Variants in SLC36A1 observed in about 807,000 individuals in gnomAD.
The protein encoded by SLC36A1 is proton-coupled amino acid transporter 1.
A neutral mutation model predicts 47.5 loss-of-function variants in SLC36A1; 30 were observed. That is an observed-to-expected ratio of 0.63 (90% CI 0.47 to 0.86). The LOEUF (loss-of-function observed/expected upper bound fraction) is 0.86. Ranked by LOEUF, SLC36A1 falls within the 40% of genes least tolerant of loss-of-function variation. SLC36A1 has a pLI of 0.00. For synonymous variants in SLC36A1, 255 were observed against 249.7 expected (o/e 1.02, Z -0.20); for missense variants, 517 against 606.0 (o/e 0.85, Z 1.54).
chr5:151,555,602 C>T, the SLC36A1 span, among the ~76,000 whole-genome samples: 1 of 151,748 alleles, frequency 6.6e-6, no homozygotes, highest in Non-Finnish European at 1.5e-5. Flanking sequence ...ACTCCTAACC[C>T]CAAGTGATCT....
At chr5:151,393,055 C>T in the SLC36A1 span, among the ~76,000 whole-genome samples, 4 of 151,668 alleles carry the variant, frequency 2.6e-5, no homozygotes, top group Non-Finnish European at 5.9e-5. Flanking sequence ...TTGTAGGTCT[C>T]TAAGGACTTG....
downstream of SLC36A1, among the ~76,000 whole-genome samples, chr5:151,494,025 C>T (rs1445946235): frequency 6.6e-6 from 1 of 152,074 alleles, no homozygotes; most frequent in Non-Finnish European, 1.5e-5. Flanking sequence ...AGGTTGTCTA[C>T]CTCCTGAATT....
At chr5:151,510,551 G>C in the SLC36A1 span, 1 of 165,720 alleles carries the variant, frequency 6.0e-6, no homozygotes, top group Middle Eastern at 2.7e-3. Flanking sequence ...AGGTACAAAG[G>C]GATGGCAGAT....
At chr5:151,555,367 C>CTTTTT in the SLC36A1 span, among the ~76,000 whole-genome samples, 15 of 123,108 alleles carry the variant, frequency 1.2e-4, no homozygotes, top group South Asian at 2.6e-4. Context: ...TAATATATTT[C>CTTTTT]TTTTTTTTTT....
Position 151,488,442 on chromosome 5 carries a change from A to G in SLC36A1, c.*188A>G. 1 of 694,508 alleles carries G rather than the reference A, an allele frequency of 1.4e-6. No homozygotes were observed. The highest frequency in any genetic ancestry group is 2.4e-6 in the Non-Finnish European group (1 of 423,730). 43.0% of individuals were successfully genotyped at this position (694,508 alleles called of 1,614,324 possible). ...GCAGGGGAGAGGTGGGGTGGCAGAC[A>G]CGCAGAAGTGCTACTAGTGACAGGG... On this transcript the variant is annotated 3_prime_UTR_variant, in exon 11 of 11. Coordinates refer to ENST00000243389, the MANE Select transcript of SLC36A1 (RefSeq NM_078483.4).
At chr5:151,426,007 C>T in the SLC36A1 span, among the ~76,000 whole-genome samples, 10 of 71,490 alleles carry the variant, frequency 1.4e-4, no homozygotes, top group South Asian at 4.2e-4. Flanking sequence ...TCTATCTATA[C>T]CTATGTCCAT....
At chr5:151,521,406 C>T in the SLC36A1 span, 2 of 1,614,188 alleles carry the variant, frequency 1.2e-6, no homozygotes, top group African/African-American at 2.7e-5. Context: ...GGCAGGTTGG[C>T]CCCTGGCAGG....
At chr5:151,437,445 T>C (rs537877937) in intron 1 of SLC36A1, among the ~76,000 whole-genome samples, 1 of 152,342 alleles carries the variant, frequency 6.6e-6, no homozygotes, top group South Asian at 2.1e-4. Context: ...GGACTATCTT[T>C]CTGTTTTTTA....
the SLC36A1 span, among the ~76,000 whole-genome samples, chr5:151,369,657 A>G: frequency 6.6e-6 from 1 of 152,152 alleles, no homozygotes; most frequent in Non-Finnish European, 1.5e-5. Context: ...ATTTTAAAAT[A>G]TATTTGTAGA....
chr5:151,441,613 T>C (rs1434272418), intron 1 of SLC36A1, among the ~76,000 whole-genome samples: 2 of 152,112 alleles, frequency 1.3e-5, no homozygotes, highest in African/African-American at 4.8e-5. Flanking sequence ...TAATATAGGG[T>C]TTGGAGAACA....
chr5:151,553,054 G>A, the SLC36A1 span: 2 of 932,028 alleles, frequency 2.1e-6, no homozygotes, highest in East Asian at 2.5e-5. Flanking sequence ...ACTCCGGGCT[G>A]AAAGAGGGGC....
At chr5:151,462,536 T>A (rs1351206074) in intron 2 of SLC36A1, among the ~76,000 whole-genome samples, 1 of 152,068 alleles carries the variant, frequency 6.6e-6, no homozygotes, top group Non-Finnish European at 1.5e-5. Flanking sequence ...AGCTAATTTT[T>A]ATATTTTTAG....
At chr5:151,531,733 T>C in the SLC36A1 span, 1 of 1,613,808 alleles carries the variant, frequency 6.2e-7, no homozygotes, top group Non-Finnish European at 8.5e-7. The surrounding 1 kb of genome is among the most constrained non-coding windows in gnomAD (Gnocchi z 5.7). Context: ...CACGCTGTGC[T>C]CGGTGTTCAG....
the SLC36A1 span, among the ~76,000 whole-genome samples, chr5:151,523,012 T>G: frequency 6.6e-6 from 1 of 152,316 alleles, no homozygotes; most frequent in East Asian, 1.9e-4. Flanking sequence ...CTGCCTGACT[T>G]AGAAAGGACA....
chr5:151,488,181 A>C lies in SLC36A1; in HGVS notation c.1358A>C (p.Tyr453Ser). The stretch of plus-strand genomic sequence containing the variant: ...TTCGTGGGCTTTGTGGTGGGGACCT[A>C]TGAGGCTCTCTATGAGCTGATCCAG... The part of the protein sequence containing the change: ...LGFVGFVVGT[Y>S]EALYELIQPS... Residue 453 changes from tyrosine to serine, a missense_variant, in exon 11 of 11, where the codon TAT (tyrosine) becomes TCT (serine). By Grantham distance (144) the Tyr-to-Ser change is moderately radical (BLOSUM62 -2). Transcript: ENST00000243389. 1 of 1,614,154 alleles carries C rather than the reference A, an allele frequency of 6.2e-7. No individual in the cohort carries two copies. The highest frequency in any genetic ancestry group is 8.5e-7 in the Non-Finnish European group (1 of 1,180,012).
At chr5:151,432,144 A>T (rs1759388022), upstream of SLC36A1, among the ~76,000 whole-genome samples, 1 of 152,060 alleles carries the variant, frequency 6.6e-6, no homozygotes, top group African/African-American at 2.4e-5. Context: ...GGGTGCCGGG[A>T]ATGAAACAGT....
chr5:151,516,327 T>G, the SLC36A1 span, among the ~76,000 whole-genome samples: 1 of 152,140 alleles, frequency 6.6e-6, no homozygotes, highest in Non-Finnish European at 1.5e-5. Flanking sequence ...CTGGCCAACA[T>G]GGTGAAACCT....
At chr5:151,556,017 A>G in the SLC36A1 span, among the ~76,000 whole-genome samples, 1 of 152,220 alleles carries the variant, frequency 6.6e-6, no homozygotes, top group Non-Finnish European at 1.5e-5. Flanking sequence ...TTGACCGAGA[A>G]TGATTCTGTC....
chr5:151,449,988 G>A (rs1233117585), intron 1 of SLC36A1, among the ~76,000 whole-genome samples: 1 of 151,680 alleles, frequency 6.6e-6, no homozygotes, highest in Non-Finnish European at 1.5e-5. Flanking sequence ...ATGTGGGATG[G>A]ATGGAGCAGG....
Sources: allele counts gnomAD v4.1 joint callset (sites outside exome capture counted in the v4.1 genomes callset), GRCh38; gene constraint gnomAD v4.1.1; non-coding constraint Gnocchi (gnomAD v3.1); transcripts MANE v1.5; gene names NCBI Gene and HGNC (gene_info 2026-07-23, HGNC 2026-07-21).